Variants in CACNA1C observed in about 807,000 individuals in gnomAD.
CACNA1C encodes calcium voltage-gated channel subunit alpha1 C, also known as voltage-dependent L-type calcium channel subunit alpha-1C.
In CACNA1C, 30 loss-of-function variants were observed where a neutral mutation model predicts 229.0. The ratio of observed to expected loss-of-function variants is 0.13; its 90% CI spans 0.10 to 0.18. CACNA1C has a LOEUF of 0.18. Ranked by LOEUF, CACNA1C falls within the 10% of genes least tolerant of loss-of-function variation. CACNA1C has a pLI of 1.00. For missense variants in CACNA1C, 1,658 were observed against 2,845.0 expected (o/e 0.58, Z 9.49); for synonymous variants, 1,114 against 1,132.5 (o/e 0.98, Z 0.33).
intron 9 of CACNA1C, among the ~76,000 whole-genome samples, chr12:2,546,885 C>G (rs569234484): frequency 1.3e-5 from 2 of 152,300 alleles, no homozygotes; most frequent in African/African-American, 2.4e-5. Context: ...GCAAGTAGGT[C>G]GACCAGTGGG....
At position 2,611,909 on chromosome 12, in the gene CACNA1C, G is replaced by A. The variant is rs1131691881; in HGVS notation, c.3724G>A (p.Gly1242Ser). 3 of 1,607,232 alleles carry A rather than the reference G, an allele frequency of 1.9e-6. No individual in the cohort carries two copies. The highest frequency in any genetic ancestry group is 1.7e-5 in the Admixed American group (1 of 59,998). The change falls in exon 29 of 47, where the codon GGC (glycine) becomes AGC (serine). Residue 1242 changes from glycine (G) to serine (S), a missense_variant. Gly to Ser is a moderately conservative substitution (Grantham distance 56). This residue lies in a region of CACNA1C where 67 missense variants were observed against 106.4 expected (regional missense o/e 0.63). Coordinates refer to ENST00000399655, the MANE Select transcript of CACNA1C (RefSeq NM_000719.7). ...CTCCCCTCTCCTGATGCAGCACTAC[G>A]GCCAGAGCTGCCTGTTCAAAATCGC... ...NTICLAMQHY[G>S]QSCLFKIAMN...
At chr12:2,378,926 T>C (rs908335209) in intron 3 of CACNA1C, among the ~76,000 whole-genome samples, 4 of 152,224 alleles carry the variant, frequency 2.6e-5, no homozygotes, top group Admixed American at 2.6e-4. Context: ...CCATGTTTAC[T>C]GCACAAATTT....
chr12:2,446,211 AT>A (rs2099277126), intron 3 of CACNA1C, among the ~76,000 whole-genome samples: 1 of 146,286 alleles, frequency 6.8e-6, no homozygotes, highest in Non-Finnish European at 1.5e-5. Context: ...GGATGGATGG[AT>A]GGATGGATGG....
chr12:2,485,881 C>T (rs1597752038), intron 5 of CACNA1C, among the ~76,000 whole-genome samples: 1 of 152,190 alleles, frequency 6.6e-6, no homozygotes, highest in Admixed American at 6.5e-5. Context: ...GCTGCCAGTC[C>T]TTTGCTTTGG....
At chr12:2,058,360 T>A (rs921701680) in intron 1 of CACNA1C, among the ~76,000 whole-genome samples, 2 of 152,196 alleles carry the variant, frequency 1.3e-5, no homozygotes, top group Non-Finnish European at 2.9e-5. Flanking sequence ...ACAATTTTAT[T>A]TTCCAATATG....
chr12:2,444,431 C>G (rs1198074816), intron 3 of CACNA1C, among the ~76,000 whole-genome samples: 1 of 152,138 alleles, frequency 6.6e-6, no homozygotes, highest in Non-Finnish European at 1.5e-5. Flanking sequence ...GATGAGGTTT[C>G]TGATGGGATG....
At chr12:2,312,466 C>T (rs1302131920) in intron 3 of CACNA1C, among the ~76,000 whole-genome samples, 1 of 151,972 alleles carries the variant, frequency 6.6e-6, no homozygotes, top group African/African-American at 2.4e-5. Context: ...CTTCTGCCCT[C>T]AGATCAACAC....
rs992884496 is a variant in CACNA1C at position 2,585,993 on chromosome 12, G to C, written c.2530+89G>C. On this transcript the variant is annotated intron_variant, in intron 18 of 46. Coordinates refer to ENST00000399655, the MANE Select transcript of CACNA1C (RefSeq NM_000719.7). This position sits in a 1 kb window ranked among gnomAD's most constrained non-coding sequence, Gnocchi z 4.1. ...CACGTGGGAGTGGCCATATATTAGG[G>C]ACCATGGTTCCAGTGTCCCTCTGTA... The C allele has an allele frequency of 7.1e-6, 5 of 706,586 alleles. No individual in the cohort carries two copies. Among genetic ancestry groups the C allele is most frequent in the Non-Finnish European group, 1.2e-5 (5 of 426,798 alleles). The allele number at this position is 706,586 out of a possible 1,614,324, so 43.8% of individuals were successfully genotyped here.
intron 1 of CACNA1C, among the ~76,000 whole-genome samples, chr12:2,111,491 C>A (rs1286265434): frequency 6.6e-6 from 1 of 150,676 alleles, no homozygotes; most frequent in Non-Finnish European, 1.5e-5. Flanking sequence ...GAACTGGCAG[C>A]CCGTATGAGA....
intron 26 of CACNA1C, 44 bp downstream of exon 26, chr12:2,607,174 G>A (rs759654971): frequency 1.9e-6 from 3 of 1,571,848 alleles, no homozygotes; most frequent in South Asian, 2.3e-5. Context: ...ACATTCAAGG[G>A]CCAGTACTGA....
rs1013251668 is a variant in CACNA1C, at chr12:2,230,876, C to T, written c.477+110446C>T. On this transcript the variant is annotated intron_variant, in intron 3 of 46. Coordinates refer to ENST00000399655, the MANE Select transcript of CACNA1C (RefSeq NM_000719.7). ...GGTGAGGTGGGTCGTATTATTATCC[C>T]GATTTTGCAGAGGAGGAAACCAAAG... 5.3e-5 allele frequency among the ~76,000 whole-genome samples: 8 copies of T among 152,156 alleles called. 1 individual carries two copies. The South Asian group carries it at 1.4e-3, about 28-fold the overall frequency.
At chr12:2,090,934 A>T (rs1009554785) in intron 1 of CACNA1C, among the ~76,000 whole-genome samples, 1 of 152,120 alleles carries the variant, frequency 6.6e-6, no homozygotes, top group African/African-American at 2.4e-5. Context: ...AGCCATCCTA[A>T]TGGGTGTGAA....
chr12:2,641,586 C>T, intron 30 of CACNA1C: 1 of 620,910 alleles, frequency 1.6e-6, no homozygotes. Flanking sequence ...GCAACAGCCC[C>T]CACCCCCAAC....
At chr12:2,119,386 A>G (rs950251249) in intron 2 of CACNA1C, among the ~76,000 whole-genome samples, 33 of 152,228 alleles carry the variant, frequency 2.2e-4, no homozygotes, top group African/African-American at 8.0e-4. Flanking sequence ...CTGGAAGAGC[A>G]TAGACGGGCC....
chr12:2,578,214 G>C (rs1324642839), intron 13 of CACNA1C, among the ~76,000 whole-genome samples: 1 of 152,214 alleles, frequency 6.6e-6, no homozygotes, highest in Admixed American at 6.5e-5. Flanking sequence ...GCGGTGGCCA[G>C]GGGAGATGTG....
chr12:2,070,789 A>T (rs1314718191), intron 1 of CACNA1C, among the ~76,000 whole-genome samples: 1 of 152,124 alleles, frequency 6.6e-6, no homozygotes, highest in African/African-American at 2.4e-5. Flanking sequence ...ATCACTCACC[A>T]GTTCTTAGTC....
chr12:2,348,862 G>A lies in CACNA1C; in HGVS notation c.478-100114G>A, dbSNP rs952801595. Reference sequence around the variant, plus strand: ...CCCGTCATGTCAGCATTCAGAGCCCGGCAGGAAAAAGCCTCCTTCAAAGTG... The same window carrying A: ...CCCGTCATGTCAGCATTCAGAGCCCAGCAGGAAAAAGCCTCCTTCAAAGTG... On this transcript the variant is annotated intron_variant, in intron 3 of 46. Transcript: ENST00000399655. The surrounding 1 kb of genome is among the most constrained non-coding windows in gnomAD (Gnocchi z 4.7). Among the ~76,000 whole-genome samples, 5 of 152,042 alleles carry A rather than the reference G, an allele frequency of 3.3e-5. No homozygotes were observed. Among genetic ancestry groups the A allele is most frequent in the African/African-American group, 4.8e-5 (2 of 41,390 alleles).
rs922398609 is a variant in CACNA1C at position 2,467,054 on chromosome 12, G to A, written c.757+9348G>A. On this transcript the variant is annotated intron_variant, in intron 5 of 46. Coordinates refer to ENST00000399655, the MANE Select transcript of CACNA1C (RefSeq NM_000719.7). The surrounding 1 kb of genome is among the most constrained non-coding windows in gnomAD (Gnocchi z 4.6). ...TACAAAGCTACTTATGAGGACAGGG[G>A]CATGTGCAGGGGGCCACCCCTGAGG... Among the ~76,000 whole-genome samples, 5 of 152,172 alleles carry A rather than the reference G, an allele frequency of 3.3e-5. No individual in the cohort carries two copies. The highest frequency in any genetic ancestry group is 5.9e-5 in the Non-Finnish European group (4 of 68,028).
intron 38 of CACNA1C, among the ~76,000 whole-genome samples, chr12:2,671,334 CAT>C (rs767842956): frequency 5.9e-5 from 9 of 152,154 alleles, no homozygotes; most frequent in South Asian, 4.1e-4. Context: ...TTAATTCACA[CAT>C]ATGTGTGTAT....
Sources: allele counts gnomAD v4.1 joint callset (sites outside exome capture counted in the v4.1 genomes callset), GRCh38; gene constraint gnomAD v4.1.1; regional missense constraint gnomAD v4.1.1; non-coding constraint Gnocchi (gnomAD v3.1); transcripts MANE v1.5; gene names NCBI Gene and HGNC (gene_info 2026-07-23, HGNC 2026-07-21).